TSPEAR: variants seen among roughly 807,000 people sequenced by gnomAD.
TSPEAR encodes thrombospondin-type laminin G domain and EAR repeat-containing protein.
Under a neutral mutation model 71.6 loss-of-function variants are expected in TSPEAR, and 69 were observed. The ratio of observed to expected loss-of-function variants is 0.96; its 90% CI spans 0.79 to 1.18. The LOEUF is 1.18. TSPEAR is among the 50% of genes most tolerant of loss of function. TSPEAR has a pLI of 0.00. For missense variants in TSPEAR, 971 were observed against 894.9 expected (o/e 1.09, Z -1.09); for synonymous variants, 402 against 387.2 (o/e 1.04, Z -0.45).
intron 9 of TSPEAR, chr21:44,518,665 G>A (rs946321650): frequency 1.3e-5 from 6 of 470,400 alleles, no homozygotes; most frequent in East Asian, 7.0e-5. Flanking sequence ...CTGGAGGCCC[G>A]CCCCCTGCCC....
At chr21:44,537,580 G>A (rs587759894) in intron 2 of TSPEAR, among the ~76,000 whole-genome samples, 1 of 152,292 alleles carries the variant, frequency 6.6e-6, no homozygotes, top group African/African-American at 2.4e-5. Flanking sequence ...CTTTAAAAAA[G>A]GACAGTTGGC....
intron 1 of TSPEAR, chr21:44,580,231 G>C (rs782552895): frequency 1.2e-6 from 2 of 1,613,842 alleles, no homozygotes; most frequent in African/African-American, 2.7e-5. Context: ...AAGTTGGCTG[G>C]CAGCTAGACT....
At chr21:44,557,268 G>A (rs1324016099) in intron 2 of TSPEAR, among the ~76,000 whole-genome samples, 2 of 152,104 alleles carry the variant, frequency 1.3e-5, no homozygotes, top group South Asian at 2.1e-4. Flanking sequence ...TACTTTCCAA[G>A]GACAAAGGTG....
chr21:44,613,976 A>G (rs1555931846), intron 1 of TSPEAR, among the ~76,000 whole-genome samples: 7 of 151,968 alleles, frequency 4.6e-5, no homozygotes, highest in South Asian at 4.1e-4. Context: ...GCTCCAGCTC[A>G]GGCCTCTCCT....
chr21:44,699,377 CAAAAAAAAAA>C (rs55846070), intron 1 of TSPEAR, among the ~76,000 whole-genome samples: 1 of 65,394 alleles, frequency 1.5e-5, no homozygotes. Context: ...GACACTGTCT[CAAAAAAAAAA>C]AAAAAAAAAA....
chr21:44,633,344 G>A (rs1983363155), intron 1 of TSPEAR, among the ~76,000 whole-genome samples: 2 of 152,010 alleles, frequency 1.3e-5, no homozygotes, highest in Non-Finnish European at 1.5e-5. Context: ...GATCTTTCTT[G>A]TTTTTTAATA....
At chr21:44,662,038 G>A (rs1175638964) in intron 1 of TSPEAR, among the ~76,000 whole-genome samples, 1 of 152,114 alleles carries the variant, frequency 6.6e-6, no homozygotes, top group Non-Finnish European at 1.5e-5. Context: ...AAACCAAAAA[G>A]TGGCATAGAA....
In TSPEAR at chr21:44,508,868, G is replaced by C. The variant is rs782438109; in HGVS notation, c.1754+331C>G. 1.1e-5 allele frequency: 16 copies of C among 1,428,256 alleles called. No individual in the cohort carries two copies. The Admixed American group carries it at 3.0e-4, about 27-fold the overall frequency. 88.5% of individuals were successfully genotyped at this position (1,428,256 alleles called of 1,614,324 possible). ...TCGCACCTGTCCCTCTGGGGCCTCG[G>C]CTATCCCTCCGCACGACGGGCATGA... On this transcript the variant is annotated intron_variant, in intron 10 of 11. Transcript: ENST00000323084.
At chr21:44,535,698 C>T (rs782780401) in intron 2 of TSPEAR, among the ~76,000 whole-genome samples, 2 of 152,124 alleles carry the variant, frequency 1.3e-5, no homozygotes, top group Non-Finnish European at 2.9e-5. Context: ...TCCAAAGTAG[C>T]TGGGACTACA....
intron 10 of TSPEAR, among the ~76,000 whole-genome samples, chr21:44,505,565 CCT>C (rs1555911803): frequency 2.5e-4 from 8 of 32,580 alleles, no homozygotes; most frequent in African/African-American, 5.5e-4. Context: ...CCCCCTCCCC[CCT>C]CCCCCCCCCC....
At position 44,526,493 on chromosome 21, in the gene TSPEAR, C is replaced by CAAA. The variant is rs74818663; in HGVS notation, c.1150-657_1150-655dup. 5.3e-3 allele frequency among the ~76,000 whole-genome samples: 728 copies of CAAA among 138,468 alleles called. 8 individuals are homozygous for CAAA. Among genetic ancestry groups the CAAA allele is most frequent in the African/African-American group, 0.018 (698 of 38,534 alleles). The allele number at this position is 138,468 out of a possible 152,430, so 90.8% of individuals were successfully genotyped here. On this transcript the variant is annotated intron_variant, in intron 7 of 11. Transcript: ENST00000323084. ...ATTAAAACCTTATGATGTCATCAAT[C>CAAA]AAAAAAAAAAAAACCAACTAGTTAT...
At chr21:44,518,330 C>A (rs1275307617) in intron 9 of TSPEAR, 3 of 466,574 alleles carry the variant, frequency 6.4e-6, no homozygotes, top group African/African-American at 4.0e-5. Context: ...CGCAGCTGGC[C>A]AGGTACGCTC....
chr21:44,547,030 TC>T (rs2053313598), intron 2 of TSPEAR, among the ~76,000 whole-genome samples: 2 of 152,204 alleles, frequency 1.3e-5, no homozygotes, highest in Non-Finnish European at 2.9e-5. Context: ...GTCCCACAGG[TC>T]TTCTAAGATT....
At chr21:44,598,599 G>A (rs1980527150) in intron 1 of TSPEAR, among the ~76,000 whole-genome samples, 1 of 152,190 alleles carries the variant, frequency 6.6e-6, no homozygotes, top group African/African-American at 2.4e-5. Context: ...TTATTCAAGT[G>A]TAACATATGT....
At chr21:44,570,585 A>T (rs1183108285) in intron 1 of TSPEAR, among the ~76,000 whole-genome samples, 1 of 152,198 alleles carries the variant, frequency 6.6e-6, no homozygotes, top group Non-Finnish European at 1.5e-5. Context: ...GAAGGAGGGA[A>T]CCGGGCGCTG....
chr21:44,504,010 C>T (rs1285115061), intron 11 of TSPEAR, among the ~76,000 whole-genome samples: 1 of 143,232 alleles, frequency 7.0e-6, no homozygotes, highest in African/African-American at 2.7e-5. Flanking sequence ...GGAAGCCGGC[C>T]TCGGTGAGCC....
intron 1 of TSPEAR, chr21:44,646,686 G>A (rs782359908): frequency 6.2e-6 from 10 of 1,614,028 alleles, no homozygotes; most frequent in South Asian, 2.2e-5. Flanking sequence ...GCTCCTGCAC[G>A]CCGTCATGCT....
In TSPEAR at chr21:44,546,696, G is replaced by T. The variant is rs191372631; in HGVS notation, c.304-12773C>A. Among the ~76,000 whole-genome samples, 101 of 152,264 alleles carry T rather than the reference G, an allele frequency of 6.6e-4. No individual in the cohort carries two copies. Among genetic ancestry groups the T allele is most frequent in the Admixed American group, 2.0e-3 (30 of 15,298 alleles). On this transcript the variant is annotated intron_variant, in intron 2 of 11. Coordinates refer to ENST00000323084, the MANE Select transcript of TSPEAR (RefSeq NM_144991.3). This position sits in a 1 kb window ranked among gnomAD's most constrained non-coding sequence, Gnocchi z 4.4. ...TTTTTGGTTGTTGGTTTCCCCTGCC[G>T]CTGTACCCCAAGCCAGCATGTGAAA...
chr21:44,553,914 C>T (rs920150724), intron 2 of TSPEAR, among the ~76,000 whole-genome samples: 2 of 152,184 alleles, frequency 1.3e-5, no homozygotes, highest in African/African-American at 4.8e-5. Context: ...CTCTAATTTT[C>T]CTTTTTTCAA....
Sources: gnomAD v4.1 joint callset for allele counts (sites outside exome capture counted in the v4.1 genomes callset) on GRCh38, gnomAD v4.1.1 for gene constraint, Gnocchi (gnomAD v3.1) non-coding constraint, MANE v1.5 for transcripts, NCBI Gene and HGNC (gene_info 2026-07-23, HGNC 2026-07-21) for gene names.